The following CGN variants were observed in gnomAD, a reference collection of about 807,000 sequenced individuals.
CGN encodes the protein cingulin.
Under a neutral mutation model 157.1 loss-of-function variants are expected in CGN, and 121 were observed. The ratio of observed to expected loss-of-function variants is 0.77; its 90% CI spans 0.66 to 0.90. CGN has a LOEUF of 0.90. Among genes scored for constraint, CGN ranks in the 40% least tolerant of loss-of-function variants. CGN has a pLI of 0.00. For synonymous variants in CGN, 535 were observed against 607.5 expected (o/e 0.88, Z 1.76); for missense variants, 1,424 against 1,520.9 (o/e 0.94, Z 1.06).
At position 151,518,765 on chromosome 1, in the gene CGN, C is replaced by T. The variant is rs112666836; in HGVS notation, c.246C>T (p.Ile82=). The change falls in exon 2 of 21, where the codon ATC becomes ATT. Residue 82 remains isoleucine, a synonymous_variant. Coordinates refer to ENST00000271636, the MANE Select transcript of CGN (RefSeq NM_020770.3). ...GCGGTGACTCCTTTGGGGTCCAAAT[C>T]AAGGGGGCCAATGACCAAGGGGCCT... ...EKGGDSFGVQ[I]KGANDQGASG... is the part of the protein sequence containing the mutation. 24 of 1,614,156 alleles carry T rather than the reference C, an allele frequency of 1.5e-5. No individual in the cohort carries two copies. The African/African-American group carries it at 2.0e-4, about 13-fold the overall frequency.
intron 5 of CGN, among the ~76,000 whole-genome samples, chr1:151,521,825 T>G (rs756599437): frequency 6.8e-6 from 1 of 146,688 alleles, no homozygotes; most frequent in Non-Finnish European, 1.5e-5. Context: ...GCAACAAGAG[T>G]GAAACTCTTT....
At chr1:151,523,012 C>G (rs1012304541) in intron 5 of CGN, among the ~76,000 whole-genome samples, 10 of 152,124 alleles carry the variant, frequency 6.6e-5, no homozygotes, top group African/African-American at 2.4e-4. Context: ...GGCTGTTTGG[C>G]CTTCCTCACA....
intron 11 of CGN, 82 bp from the exon 12 acceptor site, chr1:151,529,827 G>T: frequency 7.6e-7 from 1 of 1,313,874 alleles, no homozygotes; most frequent in Non-Finnish European, 1.1e-6. Flanking sequence ...GGCTTTCCTG[G>T]GTGTGGTCAA....
intron 1 of CGN, among the ~76,000 whole-genome samples, chr1:151,512,542 G>A (rs995131126): frequency 5.9e-5 from 9 of 152,204 alleles, no homozygotes; most frequent in African/African-American, 2.2e-4. Context: ...CACGAGACTA[G>A]GGAAATTACA....
intron 10 of CGN, chr1:151,527,978 C>CTTTTGTT (rs1664731985): frequency 7.4e-6 from 1 of 134,630 alleles, no homozygotes; most frequent in Non-Finnish European, 1.3e-5. Flanking sequence ...TTTTTTGAGA[C>CTTTTGTT]GGAGTCTCAC....
At chr1:151,521,836 C>G (rs1664548196) in intron 5 of CGN, among the ~76,000 whole-genome samples, 1 of 150,198 alleles carries the variant, frequency 6.7e-6, no homozygotes, top group Non-Finnish European at 1.5e-5. Context: ...GAAACTCTTT[C>G]TCAAAAAAAA....
chr1:151,527,864 T>C (rs1664721210), intron 10 of CGN: 2 of 269,692 alleles, frequency 7.4e-6, no homozygotes, highest in African/African-American at 2.4e-5. Context: ...GCTGCAGGGA[T>C]TGTGCTGACC....
rs1257222292 is a variant in CGN, at chr1:151,511,528, G to C, written c.-15+13G>C. On this transcript the variant is annotated intron_variant, in intron 1 of 20. Transcript: ENST00000271636. This position sits in a 1 kb window ranked among gnomAD's most constrained non-coding sequence, Gnocchi z 4.8. ...GAGCCCGGCTAGGGTGAGTGGACCCGGTGCGGGCCAGGGCACCCGAGAGGA... is the reference window on the plus strand; with the variant it reads ...GAGCCCGGCTAGGGTGAGTGGACCCCGTGCGGGCCAGGGCACCCGAGAGGA... 1 of 159,920 alleles carries C rather than the reference G, an allele frequency of 6.3e-6. No homozygotes were observed. 9.9% of individuals were successfully genotyped at this position (159,920 alleles called of 1,614,324 possible).
chr1:151,530,130 C>A lies in CGN; in HGVS notation c.2313+15C>A, dbSNP rs1664799946. On this transcript the variant is annotated intron_variant, in intron 12 of 20. Coordinates refer to ENST00000271636, the MANE Select transcript of CGN (RefSeq NM_020770.3). ...AGCGGCTGGAGGTCAGTGGTTCTGC[C>A]CTCCCAGCCCTCTCTGCTCAGCCCT... is the stretch of plus-strand genomic sequence containing the variant. 6.2e-7 allele frequency: 1 copy of A among 1,602,676 alleles called. No individual in the cohort carries two copies. Among genetic ancestry groups the A allele is most frequent in the South Asian group, 1.1e-5 (1 of 90,342 alleles).
At position 151,529,564 on chromosome 1, in the gene CGN, G is replaced by A. The variant is rs1323751907; in HGVS notation, c.2106+5G>A. 6.2e-7 allele frequency: 1 copy of A among 1,611,950 alleles called. No individual in the cohort carries two copies. The highest frequency in any genetic ancestry group is 1.1e-5 in the South Asian group (1 of 90,832). ...GACTGTGAAGAGGCTTCCAAGGCAA[G>A]GGGAGTGGGCACAGGGCTTAGGAGG... On this transcript the variant is annotated splice_donor_5th_base_variant and intron_variant, in intron 11 of 20. Coordinates refer to ENST00000271636, the MANE Select transcript of CGN (RefSeq NM_020770.3).
At chr1:151,520,791 C>A (rs1341757360) in intron 5 of CGN, 100 bp downstream of exon 5, 3 of 911,590 alleles carry the variant, frequency 3.3e-6, no homozygotes, top group Non-Finnish European at 3.5e-6. Context: ...ATGGAACAAG[C>A]ATGTTTGTGT....
At chr1:151,520,365 G>A (rs1315314517) in intron 3 of CGN, 49 bp from the exon 4 acceptor site, 1 of 1,576,836 alleles carries the variant, frequency 6.3e-7, no homozygotes, top group Non-Finnish European at 8.7e-7. Context: ...CCTGATCTCT[G>A]CTACCTCTTT....
intron 1 of CGN, among the ~76,000 whole-genome samples, chr1:151,517,233 T>C (rs1664435652): frequency 6.6e-6 from 1 of 152,182 alleles, no homozygotes; most frequent in South Asian, 2.1e-4. Flanking sequence ...ATAAGAGATA[T>C]ACAGTAGAAT....
In CGN at chr1:151,511,578, G is replaced by A. The variant is rs1664295830; in HGVS notation, c.-15+63G>A. 1 of 153,882 alleles carries A rather than the reference G, an allele frequency of 6.5e-6. No homozygotes were observed. 9.5% of individuals were successfully genotyped at this position (153,882 alleles called of 1,614,324 possible). A position where few individuals can be genotyped will look rare whatever the true frequency, so the allele number is the denominator to read the frequency against. ...AAAGCGAGCCTTCAGGGGTACCTTT[G>A]AGGGGCAGGCATCGAGGCGGTGTGA... On this transcript the variant is annotated intron_variant, in intron 1 of 20. Coordinates refer to ENST00000271636, the MANE Select transcript of CGN (RefSeq NM_020770.3). This position sits in a 1 kb window ranked among gnomAD's most constrained non-coding sequence, Gnocchi z 4.8.
chr1:151,519,516 T>C, intron 2 of CGN, 124 bp downstream of exon 2: 2 of 809,742 alleles, frequency 2.5e-6, no homozygotes, highest in Non-Finnish European at 3.8e-6. Flanking sequence ...CTCTGCCTTT[T>C]GTTCTCTACT....
intron 5 of CGN, among the ~76,000 whole-genome samples, chr1:151,521,301 A>G (rs1390002597): frequency 6.6e-6 from 1 of 152,184 alleles, no homozygotes; most frequent in Non-Finnish European, 1.5e-5. Context: ...TGCTCAATAA[A>G]TGTTGGATTG....
Position 151,534,026 on chromosome 1 carries a change from GC to G in CGN, c.2797del (p.Arg933GlyfsTer32). The G allele has an allele frequency of 6.2e-7, 1 of 1,613,440 alleles. No individual in the cohort carries two copies. The highest frequency in any genetic ancestry group is 8.5e-7 in the Non-Finnish European group (1 of 1,179,908). On this transcript the variant is annotated frameshift_variant, in exon 15 of 21. Coordinates refer to ENST00000271636, the MANE Select transcript of CGN (RefSeq NM_020770.3). LOFTEE classifies it high-confidence loss of function. ...GGCATCCCAGGCTGAGCGGGACACA[GC>G]CCGGCTGGACAAAGAGCTACTGGCC... is the stretch of plus-strand genomic sequence containing the variant. The part of the protein sequence containing the change: ...LQASQAERDT[A>X]RLDKELLAQR...
chr1:151,526,918 C>G (rs1664693676), intron 9 of CGN, 57 bp from the exon 10 acceptor site: 5 of 1,609,090 alleles, frequency 3.1e-6, no homozygotes, highest in African/African-American at 1.3e-5. Context: ...TAACCTCCCC[C>G]AGGCATGTGG....
At chr1:151,517,034 T>C (rs959853386) in intron 1 of CGN, among the ~76,000 whole-genome samples, 1 of 151,702 alleles carries the variant, frequency 6.6e-6, no homozygotes, top group Non-Finnish European at 1.5e-5. Flanking sequence ...GGCAGGTGCC[T>C]GTAATCCCAG....
Sources: allele counts gnomAD v4.1 joint callset (sites outside exome capture counted in the v4.1 genomes callset), GRCh38; gene constraint gnomAD v4.1.1; non-coding constraint Gnocchi (gnomAD v3.1); transcripts MANE v1.5; gene names NCBI Gene and HGNC (gene_info 2026-07-23, HGNC 2026-07-21).